Variants in MYO5B observed in about 807,000 individuals in gnomAD.
MYO5B encodes the protein myosin VB.
MYO5B carries 143 observed loss-of-function variants against 229.3 expected under a neutral mutation model. That is an observed-to-expected ratio of 0.62 (90% CI 0.54 to 0.72). The LOEUF is 0.72. MYO5B is among the 30% of genes least tolerant of loss of function. The probability of loss-of-function intolerance (pLI) is 0.00; values close to 1 mark genes in which losing one functional copy is unlikely to be tolerated. For synonymous variants in MYO5B, 918 were observed against 885.2 expected, an observed-to-expected ratio of 1.04 and a Z score of -0.66; for missense variants, 2,321 against 2,331.0, an observed-to-expected ratio of 1.00 and a Z score of 0.09.
At chr18:49,913,735 T>C (rs972046593) in intron 17 of MYO5B, among the ~76,000 whole-genome samples, 1 of 152,080 alleles carries the variant, frequency 6.6e-6, no homozygotes, top group Non-Finnish European at 1.5e-5. Flanking sequence ...AACCAAAAAG[T>C]TGCCTTTTGG....
At chr18:50,095,185 G>A (rs927999662) in intron 1 of MYO5B, among the ~76,000 whole-genome samples, 5 of 152,140 alleles carry the variant, frequency 3.3e-5, no homozygotes, top group African/African-American at 9.7e-5. Flanking sequence ...CCTCACCAAC[G>A]ATCTTGAGTG....
At chr18:49,910,731 T>C (rs1048165447) in intron 18 of MYO5B, among the ~76,000 whole-genome samples, 1 of 152,206 alleles carries the variant, frequency 6.6e-6, no homozygotes, top group African/African-American at 2.4e-5. Flanking sequence ...GCGACACATT[T>C]ACAAAATAAA....
chr18:50,094,840 T>C (rs2031519326), intron 1 of MYO5B, among the ~76,000 whole-genome samples: 1 of 151,650 alleles, frequency 6.6e-6, no homozygotes, highest in South Asian at 2.1e-4. Context: ...ACCTGTACAT[T>C]TTTTTTTAAA....
chr18:49,824,963 T>A lies in MYO5B; in HGVS notation c.*1508A>T, dbSNP rs1265394340. The A allele has an allele frequency of 6.6e-6, 1 of 152,236 alleles. No homozygotes were observed. Among genetic ancestry groups the A allele is most frequent in the Non-Finnish European group, 1.5e-5 (1 of 68,062 alleles). 9.4% of individuals were successfully genotyped at this position (152,236 alleles called of 1,614,324 possible). On this transcript the variant is annotated 3_prime_UTR_variant, in exon 40 of 40. Transcript: ENST00000285039. The stretch of plus-strand genomic sequence containing the variant: ...AGGAAGCTGTGCTCTAAGGGCACAG[T>A]GCAGAAGGTAGCGTGGAGTGTGCTG...
At position 50,036,993 on chromosome 18, in the gene MYO5B, A is replaced by G; in HGVS notation, c.312T>C (p.Gly104=). Residue 104 remains glycine, a splice_region_variant and synonymous_variant, in exon 4 of 40, where the codon GGT becomes GGC. Transcript: ENST00000285039. The stretch of plus-strand genomic sequence containing the variant: ...AAGGATTAATGGCAACAAGTACGAT[A>G]CCTGCAAACAGACAAGGTGGTCAGA... ...LESNHIYTYC[G]IVLVAINPYE... is the part of the protein sequence containing the mutation. 13 of 1,614,130 alleles carry G rather than the reference A, an allele frequency of 8.1e-6. No individual in the cohort carries two copies. Among genetic ancestry groups the G allele is most frequent in the Non-Finnish European group, 1.1e-5 (13 of 1,180,024 alleles).
At chr18:50,055,021 G>T (rs897500743) in intron 2 of MYO5B, among the ~76,000 whole-genome samples, 1 of 152,072 alleles carries the variant, frequency 6.6e-6, no homozygotes, top group Non-Finnish European at 1.5e-5. Context: ...TTCCTGCCTT[G>T]ATCACCAATG....
intron 4 of MYO5B, among the ~76,000 whole-genome samples, chr18:50,011,569 C>T (rs1383444020): frequency 2.0e-5 from 3 of 152,082 alleles, no homozygotes; most frequent in African/African-American, 7.2e-5. Flanking sequence ...ATCCTGCCTT[C>T]CCGAGGGATG....
chr18:49,954,437 T>G lies in MYO5B; in HGVS notation c.1546-2A>C, dbSNP rs752830588. 45 of 1,613,722 alleles carry G rather than the reference T, an allele frequency of 2.8e-5. No homozygotes were observed. The highest frequency in any genetic ancestry group is 3.5e-5 in the Non-Finnish European group (41 of 1,179,842). The stretch of plus-strand genomic sequence containing the variant: ...GTTCTGGTCAGTTCCTTTGGGGACC[T>G]GCAGAACCACAAGATAGGGCAGAGC... On this transcript the variant is annotated splice_acceptor_variant, in intron 12 of 39. Coordinates refer to ENST00000285039, the MANE Select transcript of MYO5B (RefSeq NM_001080467.3). LOFTEE classifies it high-confidence loss of function.
chr18:50,185,004 G>A (rs2033128286), intron 1 of MYO5B, among the ~76,000 whole-genome samples: 1 of 152,012 alleles, frequency 6.6e-6, no homozygotes, highest in South Asian at 2.1e-4. Flanking sequence ...GAGCCTAGGA[G>A]ATTGAGGCTG....
intron 4 of MYO5B, among the ~76,000 whole-genome samples, chr18:50,009,690 T>A (rs1308663194): frequency 6.6e-6 from 1 of 152,212 alleles, no homozygotes; most frequent in African/African-American, 2.4e-5. Context: ...CAGAGCCATA[T>A]AATTACAATT....
chr18:49,930,891 C>CAAAAAA (rs139716218), intron 16 of MYO5B, among the ~76,000 whole-genome samples: 64 of 140,828 alleles, frequency 4.5e-4, no homozygotes, highest in Admixed American at 2.1e-3. Context: ...GACTCTGTCT[C>CAAAAAA]AAAAAAAAAC....
Position 49,880,406 on chromosome 18 carries a change from T to G in MYO5B, c.3095A>C (p.Glu1032Ala). The G allele has an allele frequency of 6.2e-7, 1 of 1,614,184 alleles. No individual in the cohort carries two copies. Among genetic ancestry groups the G allele is most frequent in the African/African-American group, 1.3e-5 (1 of 75,072 alleles). Residue 1032 changes from glutamate (E) to alanine (A), a missense_variant, in exon 23 of 40, where the codon GAA becomes GCA. Around this residue, in one of 2 missense-constraint regions of MYO5B, gnomAD observed 2,113 missense variants for 2,044.7 expected, o/e 1.03. Transcript: ENST00000285039. ...QENALLKDEK[E>A]QLNNQILCQS... Reference sequence around the variant, plus strand: ...GCACAGGATTTGGTTGTTGAGCTGTTCTTTCTCATCTTTCAAGAGAGCATT... The same window carrying G: ...GCACAGGATTTGGTTGTTGAGCTGTGCTTTCTCATCTTTCAAGAGAGCATT...
chr18:49,890,172 A>G (rs926201408), intron 22 of MYO5B, among the ~76,000 whole-genome samples: 7 of 152,214 alleles, frequency 4.6e-5, no homozygotes, highest in African/African-American at 1.7e-4. Context: ...CAGTCTTCCC[A>G]GCCAGCTAAC....
At chr18:50,157,170 A>G (rs1410309324) in intron 1 of MYO5B, among the ~76,000 whole-genome samples, 1 of 150,230 alleles carries the variant, frequency 6.7e-6, no homozygotes, top group East Asian at 2.0e-4. Context: ...CAGTGGCGTG[A>G]TCTCGGCTCA....
At chr18:50,010,465 G>T (rs4281814) in intron 4 of MYO5B, among the ~76,000 whole-genome samples, 148,894 of 152,314 alleles carry the variant, frequency 0.98, 72,872 homozygotes, top group East Asian at 1. Context: ...TAAATGGGAA[G>T]GTGCCAATTC....
intron 1 of MYO5B, among the ~76,000 whole-genome samples, chr18:50,149,188 TACAA>T (rs1369706538): frequency 1.4e-4 from 22 of 152,088 alleles, no homozygotes; most frequent in Admixed American, 1.2e-3. Flanking sequence ...TCAAAGAGGA[TACAA>T]ACAAATGGAA....
At chr18:49,849,971 C>A (rs566399535) in intron 31 of MYO5B, 134 of 414,738 alleles carry the variant, frequency 3.2e-4, no homozygotes, top group African/African-American at 2.6e-3. Flanking sequence ...CATGCCAACC[C>A]CCCAGGAGAC....
At chr18:50,056,068 C>T (rs536655169) in intron 1 of MYO5B, among the ~76,000 whole-genome samples, 1 of 152,276 alleles carries the variant, frequency 6.6e-6, no homozygotes, top group South Asian at 2.1e-4. Context: ...AACCACTATG[C>T]CAGGCCTATT....
intron 1 of MYO5B, among the ~76,000 whole-genome samples, chr18:50,112,098 G>C (rs957098624): frequency 2.0e-5 from 3 of 152,168 alleles, no homozygotes; most frequent in Non-Finnish European, 4.4e-5. Flanking sequence ...CAAAGGAAGA[G>C]AGCTATATTA....
Sources: gnomAD v4.1 joint callset for allele counts (sites outside exome capture counted in the v4.1 genomes callset) on GRCh38, gnomAD v4.1.1 for gene constraint, gnomAD v4.1.1 regional missense constraint, MANE v1.5 for transcripts, NCBI Gene and HGNC (gene_info 2026-07-23, HGNC 2026-07-21) for gene names.